P4HTM: variants seen among roughly 807,000 people sequenced by gnomAD.
P4HTM encodes the protein transmembrane prolyl 4-hydroxylase.
In P4HTM, 33 loss-of-function variants were observed where a neutral mutation model predicts 55.3. That is an observed-to-expected ratio of 0.60 (90% CI 0.45 to 0.80). The LOEUF is 0.80. Ranked by LOEUF, P4HTM falls within the 30% of genes least tolerant of loss-of-function variation. P4HTM has a pLI of 0.00. For synonymous variants in P4HTM, 272 were observed against 286.4 expected (o/e 0.95, Z 0.51); for missense variants, 542 against 696.5 (o/e 0.78, Z 2.50).
intron 5 of P4HTM, chr3:49,004,560 G>A: frequency 1.8e-6 from 1 of 555,234 alleles, no homozygotes; most frequent in Non-Finnish European, 3.2e-6. Context: ...CAGGAAAAGG[G>A]TTTTTAAATA....
intron 2 of P4HTM, among the ~76,000 whole-genome samples, chr3:48,996,715 G>A (rs761212501): frequency 6.6e-6 from 1 of 152,264 alleles, no homozygotes; most frequent in East Asian, 1.9e-4. Flanking sequence ...ACACACCCCT[G>A]CTCTTTCATA....
In P4HTM at chr3:49,002,102, G is replaced by T. The variant is rs143478915; in HGVS notation, c.628-398G>T. 5.8e-4 allele frequency among the ~76,000 whole-genome samples: 89 copies of T among 152,340 alleles called. No homozygotes were observed. Among genetic ancestry groups the T allele is most frequent in the African/African-American group, 2.0e-3 (84 of 41,580 alleles). ...ACACCCCACTGAGCCTGGTCTTTCT[G>T]AGGGATCTGGTGGTCATGCCCTAAC... On this transcript the variant is annotated intron_variant, in intron 3 of 8. Transcript: ENST00000383729. This position sits in a 1 kb window ranked among gnomAD's most constrained non-coding sequence, Gnocchi z 4.4.
intron 8 of P4HTM, among the ~76,000 whole-genome samples, 169 bp from the exon 9 acceptor site, chr3:49,006,518 G>A (rs950629460): frequency 6.6e-6 from 1 of 152,228 alleles, no homozygotes; most frequent in Non-Finnish European, 1.5e-5. Context: ...CAGTAGTGTT[G>A]ACTATACATT....
In P4HTM at chr3:48,990,630, G is replaced by A; in HGVS notation, c.354+20G>A. The A allele has an allele frequency of 6.5e-7, 1 of 1,535,320 alleles. No homozygotes were observed. ...ATCAAGGTGAGGACCTCCCTGCCCC[G>A]CCGCGCTCCAGGCCCTGCACGGCTG... On this transcript the variant is annotated intron_variant, in intron 1 of 8. Transcript: ENST00000383729. The surrounding 1 kb of genome is among the most constrained non-coding windows in gnomAD (Gnocchi z 7.2).
intron 4 of P4HTM, chr3:49,003,367 C>T (rs2092967345): frequency 6.3e-6 from 1 of 159,636 alleles, no homozygotes; most frequent in African/African-American, 2.4e-5. Flanking sequence ...TCTCACAGCC[C>T]TTGAATGTCC....
At chr3:48,992,322 A>AG (rs2092933172) in intron 2 of P4HTM, 2 of 152,054 alleles carry the variant, frequency 1.3e-5, no homozygotes. Flanking sequence ...AATAGCAGAC[A>AG]GGGCCGGGCG....
chr3:49,006,132 C>G lies in P4HTM; in HGVS notation c.1233C>G (p.Val411=), dbSNP rs1396742689. Residue 411 remains valine, a synonymous_variant, in exon 8 of 9, where the codon GTC becomes GTG. Transcript: ENST00000383729. The part of the protein sequence containing the change: ...RRHCDKGNLR[V]KPQQGTAVFW... ...ACTGTGACAAGGGAAACCTGCGTGTCAAGCCCCAACAGGGCACAGCAGTCT... is the reference window on the plus strand; with the variant it reads ...ACTGTGACAAGGGAAACCTGCGTGTGAAGCCCCAACAGGGCACAGCAGTCT... The G allele has an allele frequency of 1.9e-6, 3 of 1,612,742 alleles. No individual in the cohort carries two copies. Among genetic ancestry groups the G allele is most frequent in the South Asian group, 2.2e-5 (2 of 91,038 alleles).
intron 2 of P4HTM, among the ~76,000 whole-genome samples, chr3:48,997,027 A>T (rs1192681502): frequency 1.3e-5 from 2 of 152,210 alleles, no homozygotes; most frequent in Admixed American, 1.3e-4. Flanking sequence ...AGCAGTTCCT[A>T]GCTGTGTCCA....
chr3:49,004,983 A>G lies in P4HTM; in HGVS notation c.1010A>G (p.Glu337Gly). Reference sequence around the variant, plus strand: ...GTGGACAGTGGGCCTGTGTACCCAGAGACCATCTGCTCCCATACCAAGCTG... The same window carrying G: ...GTGGACAGTGGGCCTGTGTACCCAGGGACCATCTGCTCCCATACCAAGCTG... ...AHVDSGPVYPETICSHTKLVA... is the reference protein window; with the variant it reads ...AHVDSGPVYPGTICSHTKLVA... Residue 337 changes from glutamate to glycine, a missense_variant, in exon 6 of 9, where the codon GAG (glutamate) becomes GGG (glycine). By Grantham distance (98) the Glu-to-Gly change is moderately conservative. Coordinates refer to ENST00000383729, the MANE Select transcript of P4HTM (RefSeq NM_177939.3). 1 of 1,614,084 alleles carries G rather than the reference A, an allele frequency of 6.2e-7. No individual in the cohort carries two copies. The highest frequency in any genetic ancestry group is 8.5e-7 in the Non-Finnish European group (1 of 1,180,042).
chr3:49,004,590 G>A lies in P4HTM; in HGVS notation c.888-271G>A. 5.3e-6 allele frequency: 3 copies of A among 561,634 alleles called. No homozygotes were observed. In the South Asian group the frequency reaches 7.2e-5, roughly 13 times the overall value. The allele number at this position is 561,634 out of a possible 1,614,324, so 34.8% of individuals were successfully genotyped here. A position where few individuals can be genotyped will look rare whatever the true frequency, so the allele number is the denominator to read the frequency against. ...TAAATAAACAACTTTCTTCCAGGGAGGAGGACCTCAGGACTCCCCGCCCCC... is the reference window on the plus strand; with the variant it reads ...TAAATAAACAACTTTCTTCCAGGGAAGAGGACCTCAGGACTCCCCGCCCCC... On this transcript the variant is annotated intron_variant, in intron 5 of 8. Transcript: ENST00000383729.
chr3:49,002,921 A>C lies in P4HTM; in HGVS notation c.724+325A>C, dbSNP rs2092965929. The C allele has an allele frequency of 4.8e-6, 2 of 415,664 alleles. No individual in the cohort carries two copies. Among genetic ancestry groups the C allele is most frequent in the African/African-American group, 4.1e-5 (2 of 48,956 alleles). 25.7% of individuals were successfully genotyped at this position (415,664 alleles called of 1,614,324 possible). ...AGAACAGAGTGGGTGGAGCAGGAGC[A>C]AGGCGACAGTGAGGCCAGCTAGAGC... On this transcript the variant is annotated intron_variant, in intron 4 of 8. Coordinates refer to ENST00000383729, the MANE Select transcript of P4HTM (RefSeq NM_177939.3). This position sits in a 1 kb window ranked among gnomAD's most constrained non-coding sequence, Gnocchi z 4.4.
At chr3:48,994,469 A>G (rs1264698098) in intron 2 of P4HTM, among the ~76,000 whole-genome samples, 3 of 152,134 alleles carry the variant, frequency 2.0e-5, no homozygotes, top group Non-Finnish European at 2.9e-5. Context: ...CTTGAGAAAT[A>G]TTTCCTGTTT....
chr3:49,005,460 T>TC (rs1434053759), intron 6 of P4HTM: 19 of 1,365,234 alleles, frequency 1.4e-5, no homozygotes, highest in Non-Finnish European at 1.8e-5. Flanking sequence ...CCCCTTCCCA[T>TC]CCCCAAGGAG....
At chr3:49,003,147 GC>G (rs1341521474) in intron 4 of P4HTM, 2 of 240,224 alleles carry the variant, frequency 8.3e-6, no homozygotes, top group African/African-American at 4.5e-5. Flanking sequence ...TGCAAGTGGT[GC>G]CCCCTCTGGT....
chr3:48,998,536 C>T (rs548117134), intron 2 of P4HTM, among the ~76,000 whole-genome samples: 10 of 152,228 alleles, frequency 6.6e-5, no homozygotes, highest in Non-Finnish European at 8.8e-5. Flanking sequence ...TCTCAGCCCT[C>T]AGCTCTGCCT....
At chr3:48,991,136 G>C (rs1559888169) in intron 2 of P4HTM, 2 of 543,604 alleles carry the variant, frequency 3.7e-6, no homozygotes, top group East Asian at 6.0e-5. Flanking sequence ...GGGCTGGCAG[G>C]GTGAGCCTGA....
At chr3:49,006,237 C>T in intron 8 of P4HTM, 50 bp downstream of exon 8, 1 of 1,575,774 alleles carries the variant, frequency 6.3e-7, no homozygotes, top group Non-Finnish European at 8.7e-7. Context: ...TACAGCTTCC[C>T]TTTACCCAGC....
chr3:48,995,187 C>T lies in P4HTM; in HGVS notation c.436+4273C>T, dbSNP rs185854678. On this transcript the variant is annotated intron_variant, in intron 2 of 8. Coordinates refer to ENST00000383729, the MANE Select transcript of P4HTM (RefSeq NM_177939.3). ...CCTAAAAGCCCTCTCGCCTCTTAGACTCATCTCCTGCCCCCACCCCCGACT... is the reference window on the plus strand; with the variant it reads ...CCTAAAAGCCCTCTCGCCTCTTAGATTCATCTCCTGCCCCCACCCCCGACT... Among the ~76,000 whole-genome samples, 6 of 152,308 alleles carry T rather than the reference C, an allele frequency of 3.9e-5. No individual in the cohort carries two copies. In the East Asian group the frequency reaches 9.6e-4, roughly 24 times the overall value.
In P4HTM at chr3:49,005,866, T is replaced by C. The variant is rs762203215; in HGVS notation, c.1163T>C (p.Met388Thr). The change falls in exon 7 of 9, where the codon ATG becomes ACG. Residue 388 changes from methionine to threonine, a missense_variant and splice_region_variant. Coordinates refer to ENST00000383729, the MANE Select transcript of P4HTM (RefSeq NM_177939.3). ...GCAGATAACAGAACCTACGATGAAATGGTAAGGGTCAACTGGGCTATTACT... is the reference window on the plus strand; with the variant it reads ...GCAGATAACAGAACCTACGATGAAACGGTAAGGGTCAACTGGGCTATTACT... Reference protein sequence around the residue: ...PVADNRTYDEMSLIQDDVDLR... With the variant: ...PVADNRTYDETSLIQDDVDLR... 1.9e-6 allele frequency: 3 copies of C among 1,543,438 alleles called. No individual in the cohort carries two copies. The highest frequency in any genetic ancestry group is 2.3e-5 in the East Asian group (1 of 44,036).
Sources: gnomAD v4.1 joint callset for allele counts (sites outside exome capture counted in the v4.1 genomes callset) on GRCh38, gnomAD v4.1.1 for gene constraint, Gnocchi (gnomAD v3.1) non-coding constraint, MANE v1.5 for transcripts, NCBI Gene and HGNC (gene_info 2026-07-23, HGNC 2026-07-21) for gene names.